Variants in PCDH11X observed in about 807,000 individuals in gnomAD.
The protein encoded by PCDH11X is protocadherin 11 X-linked.
A neutral mutation model predicts 53.3 loss-of-function variants in PCDH11X; 18 were observed. The ratio of observed to expected loss-of-function variants is 0.34; its 90% CI spans 0.23 to 0.50. The LOEUF (loss-of-function observed/expected upper bound fraction) is 0.50, where lower values mean the gene tolerates loss of function less well. Among genes scored for constraint, PCDH11X ranks in the 20% least tolerant of loss-of-function variants. PCDH11X has a pLI of 0.98. For missense variants in PCDH11X, 570 were observed against 1,032.4 expected (o/e 0.55, Z 6.14); for synonymous variants, 279 against 393.3 (o/e 0.71, Z 3.44).
At chrX:92,557,014 G>A (rs1458451187) in intron 10 of PCDH11X, among the ~76,000 whole-genome samples, 2 of 111,173 alleles carry the variant, frequency 1.8e-5, no homozygotes, top group Non-Finnish European at 3.8e-5. Context: ...TTAGCTGTAT[G>A]TTGACCTCTT....
chrX:91,932,442 T>C (rs1353885849), intron 6 of PCDH11X, among the ~76,000 whole-genome samples: 2 of 94,829 alleles, frequency 2.1e-5, no homozygotes, highest in Non-Finnish European at 4.2e-5. Flanking sequence ...GAGAGTACAG[T>C]AAAGATAAAG....
intron 7 of PCDH11X, among the ~76,000 whole-genome samples, chrX:92,214,539 AT>A (rs1160736683): frequency 1.8e-5 from 2 of 111,909 alleles, no homozygotes; most frequent in Non-Finnish European, 3.8e-5. Context: ...GGTTAGCACA[AT>A]AAAGTTTCTA....
At chrX:92,382,343 C>A (rs930193698) in intron 8 of PCDH11X, among the ~76,000 whole-genome samples, 1 of 110,751 alleles carries the variant, frequency 9.0e-6, no homozygotes, top group African/African-American at 3.3e-5. Flanking sequence ...GAACTCATGG[C>A]GTGTGCAAGG....
At chrX:92,335,210 T>C (rs2148509333) in intron 8 of PCDH11X, among the ~76,000 whole-genome samples, 1 of 110,900 alleles carries the variant, frequency 9.0e-6, no homozygotes, top group South Asian at 3.8e-4. Flanking sequence ...ATCAATTTTT[T>C]TTTTTCAGAG....
intron 6 of PCDH11X, among the ~76,000 whole-genome samples, chrX:92,132,657 G>GTATATGTATATATATATGTATA (rs2065009541): frequency 7.4e-5 from 4 of 54,380 alleles, no homozygotes; most frequent in African/African-American, 1.4e-4. Context: ...ATATATATAT[G>GTATATGTATATATATATGTATA]TATATATATA....
At chrX:92,018,941 A>AT (rs201175799) in intron 6 of PCDH11X, among the ~76,000 whole-genome samples, 95 of 111,454 alleles carry the variant, frequency 8.5e-4, no homozygotes, top group African/African-American at 1.3e-3. Flanking sequence ...GGAGCTACAC[A>AT]TTTTTTTTTA....
At chrX:92,456,330 T>C (rs2072907581) in intron 9 of PCDH11X, among the ~76,000 whole-genome samples, 1 of 111,791 alleles carries the variant, frequency 8.9e-6, no homozygotes, top group Non-Finnish European at 1.9e-5. Context: ...GTGTGAATTC[T>C]ACAAACTGTG....
At chrX:92,104,543 T>C (rs1046531077) in intron 6 of PCDH11X, among the ~76,000 whole-genome samples, 1 of 111,151 alleles carries the variant, frequency 9.0e-6, no homozygotes, top group Non-Finnish European at 1.9e-5. Context: ...TTTCTGGCTA[T>C]TTGGAACTAC....
intron 10 of PCDH11X, among the ~76,000 whole-genome samples, chrX:92,613,188 T>G (rs1320954373): frequency 3.6e-5 from 4 of 109,774 alleles, no homozygotes; most frequent in Non-Finnish European, 7.6e-5. Flanking sequence ...TGTGGTTGCT[T>G]TATAGGGTCT....
intron 6 of PCDH11X, among the ~76,000 whole-genome samples, chrX:92,003,576 A>G (rs1409057457): frequency 1.2e-5 from 1 of 85,428 alleles, no homozygotes; most frequent in African/African-American, 4.5e-5. Flanking sequence ...ATTACTTGCT[A>G]TTGATCTGTT....
intron 6 of PCDH11X, among the ~76,000 whole-genome samples, chrX:91,997,343 T>A (rs1444769053): frequency 9.0e-6 from 1 of 111,326 alleles, no homozygotes; most frequent in East Asian, 2.8e-4. Context: ...GAATGTTAGC[T>A]GTGGGTTTGT....
intron 6 of PCDH11X, among the ~76,000 whole-genome samples, chrX:92,031,496 A>G (rs1251844085): frequency 1.8e-5 from 2 of 109,436 alleles, no homozygotes; most frequent in East Asian, 5.8e-4. Context: ...ATATGATGCC[A>G]TTTGTCCATT....
At chrX:92,153,122 T>A (rs1243125528) in intron 6 of PCDH11X, among the ~76,000 whole-genome samples, 2 of 110,105 alleles carry the variant, frequency 1.8e-5, no homozygotes, top group Non-Finnish European at 3.8e-5. Context: ...CTTAGTTAAA[T>A]TGTTTTGAAA....
intron 8 of PCDH11X, among the ~76,000 whole-genome samples, chrX:92,285,952 C>T (rs1317022120): frequency 8.9e-6 from 1 of 112,419 alleles, no homozygotes; most frequent in Non-Finnish European, 1.9e-5. Context: ...GGCTAGTTAT[C>T]TGCTGCAGGA....
At chrX:91,893,251 T>G (rs1231672241) in intron 6 of PCDH11X, among the ~76,000 whole-genome samples, 1 of 111,380 alleles carries the variant, frequency 9.0e-6, no homozygotes, top group Non-Finnish European at 1.9e-5. Flanking sequence ...TGTTACTCCT[T>G]TTGTCCATGA....
intron 8 of PCDH11X, among the ~76,000 whole-genome samples, chrX:92,352,528 G>A (rs1687815424): frequency 9.0e-6 from 1 of 111,175 alleles, no homozygotes; most frequent in Admixed American, 9.6e-5. Context: ...TTGCTGGTGA[G>A]CTAGTGTAAT....
chrX:92,151,634 ATCTT>A (rs10551980), intron 6 of PCDH11X, among the ~76,000 whole-genome samples: 8,380 of 111,522 alleles, frequency 0.075, 769 homozygotes, highest in African/African-American at 0.26. Context: ...ATTATAATCT[ATCTT>A]AATTCTACGG....
chrX:92,436,866 ACTAGGTTTAGTAC>A (rs1313069385), intron 9 of PCDH11X, among the ~76,000 whole-genome samples: 1 of 109,325 alleles, frequency 9.1e-6, no homozygotes, highest in African/African-American at 3.3e-5. Flanking sequence ...ACTATTGAGT[ACTAGGTTTAGTAC>A]CTGGGCGACA....
At chrX:92,050,887 C>T (rs2063358364) in intron 6 of PCDH11X, among the ~76,000 whole-genome samples, 1 of 109,402 alleles carries the variant, frequency 9.1e-6, no homozygotes, top group Non-Finnish European at 1.9e-5. Context: ...AGCTGGTTTA[C>T]ATCTCAATGT....
Sources: allele counts gnomAD v4.1 joint callset (sites outside exome capture counted in the v4.1 genomes callset), GRCh38; gene constraint gnomAD v4.1.1; transcripts MANE v1.5; gene names NCBI Gene and HGNC (gene_info 2026-07-23, HGNC 2026-07-21).